SNAP25: variants seen among roughly 807,000 people sequenced by gnomAD.
SNAP25 encodes the protein synaptosome associated protein 25.
Under a neutral mutation model 28.7 loss-of-function variants are expected in SNAP25, and 3 were observed. The ratio of observed to expected loss-of-function variants is 0.10; its 90% CI spans 0.05 to 0.27. The LOEUF is 0.27. Among genes scored for constraint, SNAP25 ranks in the 10% least tolerant of loss-of-function variants. The pLI, the probability that SNAP25 is intolerant of heterozygous loss-of-function variation, is 1.00. For synonymous variants in SNAP25, 61 were observed against 88.1 expected, an observed-to-expected ratio of 0.69 and a Z score of 1.72; for missense variants, 117 against 278.7, an observed-to-expected ratio of 0.42 and a Z score of 4.13.
intron 3 of SNAP25, among the ~76,000 whole-genome samples, chr20:10,278,386 T>G (rs1335288681): frequency 6.6e-6 from 1 of 152,124 alleles, no homozygotes; most frequent in Non-Finnish European, 1.5e-5. Flanking sequence ...ATAGCAATAA[T>G]GGAATCAAAA....
chr20:10,236,953 A>AAAATACAT (rs1555786460), intron 1 of SNAP25, among the ~76,000 whole-genome samples: 2 of 111,482 alleles, frequency 1.8e-5, no homozygotes, highest in African/African-American at 5.9e-5. Context: ...CCTCCAAAGG[A>AAAATACAT]AAATACATAA....
Position 10,256,882 on chromosome 20 carries a change from G to A in SNAP25, c.-63-18547G>A, listed in dbSNP as rs955573980. On this transcript the variant is annotated intron_variant, in intron 1 of 7. Transcript: ENST00000254976. ...TGCAGTCATTAAAAATGTCATTTGAGCAATGTCTAATATATGAAAATTTTC... is the reference window on the plus strand; with the variant it reads ...TGCAGTCATTAAAAATGTCATTTGAACAATGTCTAATATATGAAAATTTTC... 2.6e-4 allele frequency among the ~76,000 whole-genome samples: 39 copies of A among 152,114 alleles called. 1 individual carries two copies. Among genetic ancestry groups the A allele is most frequent in the Non-Finnish European group, 5.9e-5 (4 of 68,024 alleles).
chr20:10,233,786 G>A (rs79938700), intron 1 of SNAP25, among the ~76,000 whole-genome samples: 2,078 of 152,280 alleles, frequency 0.014, 42 homozygotes, highest in African/African-American at 0.047. Flanking sequence ...TATCTCAGGC[G>A]TCTGGTTTTC....
intron 1 of SNAP25, among the ~76,000 whole-genome samples, chr20:10,253,322 A>G (rs1377585681): frequency 6.6e-6 from 1 of 152,096 alleles, no homozygotes; most frequent in Non-Finnish European, 1.5e-5. Context: ...CCAGAATCTC[A>G]TAAGCTCTTA....
intron 5 of SNAP25, among the ~76,000 whole-genome samples, chr20:10,295,558 T>C (rs1053846392): frequency 3.9e-5 from 6 of 152,154 alleles, no homozygotes; most frequent in Non-Finnish European, 7.3e-5. Context: ...TGAAATTCCA[T>C]TGGTACAATT....
At chr20:10,265,924 G>A (rs1158580549) in intron 1 of SNAP25, among the ~76,000 whole-genome samples, 1 of 152,178 alleles carries the variant, frequency 6.6e-6, no homozygotes, top group Non-Finnish European at 1.5e-5. Context: ...GCTCCCTGGT[G>A]AGGCCGATGC....
chr20:10,284,650 C>G, intron 3 of SNAP25, 74 bp from the exon 4 acceptor site: 1 of 1,132,446 alleles, frequency 8.8e-7, no homozygotes, highest in Non-Finnish European at 1.3e-6. Flanking sequence ...GCTAATTGTC[C>G]CCTTACTGAT....
chr20:10,258,996 G>A (rs1238677197), intron 1 of SNAP25, among the ~76,000 whole-genome samples: 1 of 152,152 alleles, frequency 6.6e-6, no homozygotes, highest in Non-Finnish European at 1.5e-5. Context: ...ATTTTCCGGA[G>A]AGTTTAACTG....
chr20:10,277,664 T>C, intron 2 of SNAP25, 21 bp from the exon 3 acceptor site: 1 of 1,610,712 alleles, frequency 6.2e-7, no homozygotes, highest in Non-Finnish European at 8.5e-7. Flanking sequence ...AGTTTATGTT[T>C]GTTTGTTTTT....
intron 1 of SNAP25, among the ~76,000 whole-genome samples, chr20:10,264,012 A>G (rs1196375107): frequency 2.6e-5 from 4 of 152,152 alleles, no homozygotes; most frequent in African/African-American, 9.7e-5. Flanking sequence ...CTAAATACCC[A>G]TTTAGCCACA....
At chr20:10,275,910 C>A (rs1475870036) in intron 2 of SNAP25, among the ~76,000 whole-genome samples, 1 of 152,180 alleles carries the variant, frequency 6.6e-6, no homozygotes, top group Non-Finnish European at 1.5e-5. Flanking sequence ...AGGAACTTTG[C>A]AAGCTGGTTG....
rs375193166 is a variant in SNAP25 at position 10,297,099 on chromosome 20, A to G, written c.407+49A>G. ...GTAGCAGTTCTCTATTGTCAAGTAC[A>G]AACAACTCCAAAACTGAGTGGTTTT... On this transcript the variant is annotated intron_variant, in intron 6 of 7. Transcript: ENST00000254976. 158 of 1,494,372 alleles carry G rather than the reference A, an allele frequency of 1.1e-4. No individual in the cohort carries two copies. The African/African-American group carries it at 1.9e-3, about 18-fold the overall frequency. The allele number at this position is 1,494,372 out of a possible 1,614,324, so 92.6% of individuals were successfully genotyped here. A position where few individuals can be genotyped will look rare whatever the true frequency, so the allele number is the denominator to read the frequency against.
rs555544225 is a variant in SNAP25 at position 10,300,108 on chromosome 20, C to T, written c.552+696C>T. 4.6e-5 allele frequency among the ~76,000 whole-genome samples: 7 copies of T among 151,560 alleles called. No homozygotes were observed. In the East Asian group the frequency reaches 1.4e-3, roughly 29 times the overall value. On this transcript the variant is annotated intron_variant, in intron 7 of 7. Coordinates refer to ENST00000254976, the MANE Select transcript of SNAP25 (RefSeq NM_130811.4). ...ATTTTATATGATGAAATTGAGTTTA[C>T]ACAAGGACACCAGACTTGGCTCTAA...
In SNAP25 at chr20:10,293,208, A is replaced by G; in HGVS notation, c.211A>G (p.Met71Val). The G allele has an allele frequency of 6.2e-7, 1 of 1,614,180 alleles. No homozygotes were observed. The highest frequency in any genetic ancestry group is 2.2e-5 in the East Asian group (1 of 44,890). Residue 71 changes from methionine (M) to valine (V), a missense_variant, in exon 5 of 8, where the codon ATG (methionine) becomes GTG (valine). Met to Val is a conservative substitution (Grantham distance 21). This residue lies in a region of SNAP25 where 88 missense variants were observed against 206.9 expected (regional missense o/e 0.43). Coordinates refer to ENST00000254976, the MANE Select transcript of SNAP25 (RefSeq NM_130811.4). The surrounding 1 kb of genome is among the most constrained non-coding windows in gnomAD (Gnocchi z 5.6). ...AGGGATGGACCAAATCAATAAGGAC[A>G]TGAAAGAAGCAGAAAAGAATTTGAC... is the stretch of plus-strand genomic sequence containing the variant. ...EEGMDQINKD[M>V]KEAEKNLTDL...
intron 1 of SNAP25, among the ~76,000 whole-genome samples, chr20:10,260,189 A>G (rs559037907): frequency 3.3e-5 from 5 of 152,280 alleles, no homozygotes; most frequent in Admixed American, 2.0e-4. Flanking sequence ...TAATAGATGT[A>G]GTTAAAGTAG....
intron 4 of SNAP25, among the ~76,000 whole-genome samples, chr20:10,286,817 A>T (rs907823057): frequency 6.6e-6 from 1 of 152,226 alleles, no homozygotes. Context: ...CAAAAGTTGT[A>T]CACAAATAAC....
At position 10,293,274 on chromosome 20, in the gene SNAP25, A is replaced by T; in HGVS notation, c.277A>T (p.Asn93Tyr). Residue 93 changes from asparagine to tyrosine, a missense_variant, in exon 5 of 8, where the codon AAC becomes TAC. By Grantham distance (143) the Asn-to-Tyr change is moderately radical (BLOSUM62 -2). Transcript: ENST00000254976. The surrounding 1 kb of genome is among the most constrained non-coding windows in gnomAD (Gnocchi z 5.6). ...CTGCGGGCTTTGTGTGTGTCCCTGT[A>T]ACAAGTAGGTGCTGCCTGCCTGCCT... ...KFCGLCVCPC[N>Y]KLKSSDAYKK... 2 of 1,612,748 alleles carry T rather than the reference A, an allele frequency of 1.2e-6. No individual in the cohort carries two copies. The highest frequency in any genetic ancestry group is 2.2e-5 in the East Asian group (1 of 44,874).
intron 5 of SNAP25, 68 bp from the exon 6 acceptor site, chr20:10,296,857 A>G: frequency 6.2e-7 from 1 of 1,605,244 alleles, no homozygotes; most frequent in Non-Finnish European, 8.5e-7. Flanking sequence ...TCGCTTGAAG[A>G]AGTGACAATT....
chr20:10,273,046 C>G (rs1039436330), intron 1 of SNAP25, among the ~76,000 whole-genome samples: 1 of 152,100 alleles, frequency 6.6e-6, no homozygotes, highest in African/African-American at 2.4e-5. Context: ...GAATCGTGGA[C>G]CTGGAGGGTG....
Sources: gnomAD v4.1 joint callset for allele counts (sites outside exome capture counted in the v4.1 genomes callset) on GRCh38, gnomAD v4.1.1 for gene constraint, gnomAD v4.1.1 regional missense constraint, Gnocchi (gnomAD v3.1) non-coding constraint, MANE v1.5 for transcripts, NCBI Gene and HGNC (gene_info 2026-07-23, HGNC 2026-07-21) for gene names.